Variants in POTEC observed in about 807,000 individuals in gnomAD.
POTEC encodes ANKRD26-like family B member 2.
A neutral mutation model predicts 62.0 loss-of-function variants in POTEC; 35 were observed. The ratio of observed to expected loss-of-function variants is 0.56; its 90% CI spans 0.43 to 0.75. The LOEUF is 0.75. Ranked by LOEUF, POTEC falls within the 30% of genes least tolerant of loss-of-function variation. The probability of loss-of-function intolerance (pLI) is 0.00; values close to 1 mark genes in which losing one functional copy is unlikely to be tolerated. For missense variants in POTEC, 472 were observed against 655.9 expected (o/e 0.72, Z 3.06); for synonymous variants, 156 against 221.5 (o/e 0.70, Z 2.62).
chr18:14,527,049 T>C (rs1299975705), intron 6 of POTEC, among the ~76,000 whole-genome samples: 1 of 152,134 alleles, frequency 6.6e-6, no homozygotes, highest in African/African-American at 2.4e-5. Flanking sequence ...CTTTATAAAG[T>C]TATAGTGTAT....
Position 14,511,889 on chromosome 18 carries a change from T to C in POTEC, c.*9A>G. 1 of 1,613,590 alleles carries C rather than the reference T, an allele frequency of 6.2e-7. No homozygotes were observed. Among genetic ancestry groups the C allele is most frequent in the Non-Finnish European group, 8.5e-7 (1 of 1,179,672 alleles). The stretch of plus-strand genomic sequence containing the variant: ...TTTTCCCTTAGCTGGTTCTGATGTT[T>C]TGTTTCATCTAGTTCCAGTCTCCAG... On this transcript the variant is annotated 3_prime_UTR_variant, in exon 11 of 11. Transcript: ENST00000358970.
chr18:14,533,838 G>C (rs1905611153), intron 4 of POTEC, among the ~76,000 whole-genome samples: 1 of 150,724 alleles, frequency 6.6e-6, no homozygotes, highest in African/African-American at 2.4e-5. Flanking sequence ...ATTAAATCCA[G>C]TCTTGTGTGA....
At chr18:14,515,787 T>C (rs1910133821) in intron 9 of POTEC, among the ~76,000 whole-genome samples, 1 of 151,426 alleles carries the variant, frequency 6.6e-6, no homozygotes, top group Non-Finnish European at 1.5e-5. Flanking sequence ...TAACAAAGGA[T>C]TAATGTCCAT....
At chr18:14,534,572 G>C (rs543611009) in intron 4 of POTEC, among the ~76,000 whole-genome samples, 1 of 151,866 alleles carries the variant, frequency 6.6e-6, no homozygotes, top group Admixed American at 6.6e-5. Context: ...GGGTTAAGAA[G>C]TTCAATACTG....
intron 6 of POTEC, chr18:14,528,743 T>C: frequency 3.1e-6 from 1 of 327,782 alleles, no homozygotes; most frequent in Non-Finnish European, 6.0e-6. Flanking sequence ...GTCCAAAGCA[T>C]TGTACCTGGT....
rs1038140540 is a variant in POTEC, at chr18:14,543,287, C to G, written c.-141G>C. Reference sequence around the variant, plus strand: ...CCCAGCCAAAACTTGCCAACCCCAGCAAGGGAGCCCAGTCCACCCCACCCA... The same window carrying G: ...CCCAGCCAAAACTTGCCAACCCCAGGAAGGGAGCCCAGTCCACCCCACCCA... On this transcript the variant is annotated 5_prime_UTR_variant, in exon 1 of 11. Transcript: ENST00000358970. The G allele has an allele frequency of 1.8e-5, 25 of 1,382,698 alleles. No individual in the cohort carries two copies. The Admixed American group carries it at 5.8e-4, about 32-fold the overall frequency. 85.7% of individuals were successfully genotyped at this position (1,382,698 alleles called of 1,614,324 possible). A position where few individuals can be genotyped will look rare whatever the true frequency, so the allele number is the denominator to read the frequency against.
Position 14,537,886 on chromosome 18 carries a change from G to C in POTEC, c.725C>G (p.Thr242Ser). 2 of 1,612,390 alleles carry C rather than the reference G, an allele frequency of 1.2e-6. No homozygotes were observed. Among genetic ancestry groups the C allele is most frequent in the Non-Finnish European group, 8.5e-7 (1 of 1,179,796 alleles). ...TTCATTGTGGACAGCATAGTGTAGAGTGGTATTTCCATACTCATCTGGAAT... is the reference window on the plus strand; with the variant it reads ...TTCATTGTGGACAGCATAGTGTAGACTGGTATTTCCATACTCATCTGGAAT... Reference protein sequence around the residue: ...QNIPDEYGNTTLHYAVHNEDK... With the variant: ...QNIPDEYGNTSLHYAVHNEDK... The change falls in exon 3 of 11, where the codon ACT becomes AGT. Residue 242 changes from threonine to serine, a missense_variant. Transcript: ENST00000358970.
intron 6 of POTEC, among the ~76,000 whole-genome samples, chr18:14,525,870 A>G (rs1055452802): frequency 1.3e-5 from 2 of 151,606 alleles, no homozygotes; most frequent in African/African-American, 4.8e-5. Context: ...GTTTCCATCC[A>G]CTATTATGAC....
intron 1 of POTEC, among the ~76,000 whole-genome samples, chr18:14,540,728 C>T (rs1303171568): frequency 6.6e-6 from 1 of 152,138 alleles, no homozygotes; most frequent in Non-Finnish European, 1.5e-5. Context: ...GGGTAAAAGG[C>T]ATACACATTT....
chr18:14,516,663 T>TGGC (rs1910169495), intron 9 of POTEC, among the ~76,000 whole-genome samples: 1 of 136,676 alleles, frequency 7.3e-6, no homozygotes, highest in African/African-American at 3.1e-5. Context: ...GCCAAACTAC[T>TGGC]GGGGGGGGGT....
At chr18:14,542,347 TA>T (rs1905964781) in intron 1 of POTEC, among the ~76,000 whole-genome samples, 1 of 152,214 alleles carries the variant, frequency 6.6e-6, no homozygotes, top group Non-Finnish European at 1.5e-5. Flanking sequence ...ACATTAAAAA[TA>T]ATCTGCTGCA....
rs779531776 is a variant in POTEC, at chr18:14,542,806, T to G, written c.341A>C (p.Lys114Thr). 33 of 1,613,262 alleles carry G rather than the reference T, an allele frequency of 2.0e-5. No homozygotes were observed. Among genetic ancestry groups the G allele is most frequent in the Non-Finnish European group, 2.8e-5 (33 of 1,179,690 alleles). The change falls in exon 1 of 11, where the codon AAG (lysine) becomes ACG (threonine). Residue 114 changes from lysine (K) to threonine (T), a missense_variant. By Grantham distance (78) the Lys-to-Thr change is moderately conservative. This residue lies in a region of POTEC where 257 missense variants were observed against 250.7 expected (regional missense o/e 1.03). Coordinates refer to ENST00000358970, the MANE Select transcript of POTEC (RefSeq NM_001137671.2). ...GTCTCCCCAAGCGCCCACGTTGCTC[T>G]TGCCGCTCCCCCTGCAGCAGGGGAA... Reference protein sequence around the residue: ...HCFPCCRGSGKSNVGAWGDYD... With the variant: ...HCFPCCRGSGTSNVGAWGDYD...
chr18:14,519,071 T>C (rs1252458666), intron 9 of POTEC, among the ~76,000 whole-genome samples: 1 of 152,162 alleles, frequency 6.6e-6, no homozygotes, highest in East Asian at 1.9e-4. Flanking sequence ...CTCAGATGTA[T>C]GAGATATGAC....
At chr18:14,528,954 C>A in intron 6 of POTEC, 1 of 454,404 alleles carries the variant, frequency 2.2e-6, no homozygotes. Flanking sequence ...GCTCTTCCTG[C>A]CAAACAGGCA....
intron 9 of POTEC, among the ~76,000 whole-genome samples, chr18:14,516,665 G>A (rs1485693720): frequency 4.4e-5 from 1 of 22,566 alleles, no homozygotes; most frequent in Non-Finnish European, 2.7e-4. Context: ...CAAACTACTG[G>A]GGGGGGGTGT....
At position 14,513,765 on chromosome 18, in the gene POTEC, C is replaced by G; in HGVS notation, c.1430G>C (p.Arg477Pro). The change falls in exon 10 of 11, where the codon CGG becomes CCG. Residue 477 changes from arginine (R) to proline (P), a missense_variant. Around this residue, in one of 5 missense-constraint regions of POTEC, gnomAD observed 83 missense variants for 254.3 expected, o/e 0.33. Coordinates refer to ENST00000358970, the MANE Select transcript of POTEC (RefSeq NM_001137671.2). ...GTTCTGTTCTTCAGAAAGTTGTTTC[C>G]GGGTATCATTTTGTTCGTCACTAGA... is the stretch of plus-strand genomic sequence containing the variant. ...EYHSDEQNDT[R>P]KQLSEEQNTG... 4 of 1,609,240 alleles carry G rather than the reference C, an allele frequency of 2.5e-6. No homozygotes were observed. The South Asian group carries it at 3.3e-5, about 13-fold the overall frequency.
intron 9 of POTEC, among the ~76,000 whole-genome samples, chr18:14,518,210 T>C (rs902047032): frequency 1.3e-5 from 2 of 152,148 alleles, no homozygotes; most frequent in Admixed American, 6.5e-5. Flanking sequence ...AGTGAGGATA[T>C]TGTAGTGAAA....
chr18:14,511,650 G>C lies in POTEC; in HGVS notation c.*248C>G, dbSNP rs1910010324. On this transcript the variant is annotated 3_prime_UTR_variant, in exon 11 of 11. Coordinates refer to ENST00000358970, the MANE Select transcript of POTEC (RefSeq NM_001137671.2). ...TCACAATCATGTAGAGCAGTAGTCAGTCTACAATGACATGATTGAATTTCC... is the reference window on the plus strand; with the variant it reads ...TCACAATCATGTAGAGCAGTAGTCACTCTACAATGACATGATTGAATTTCC... 4 of 575,404 alleles carry C rather than the reference G, an allele frequency of 7.0e-6. No individual in the cohort carries two copies. In the Admixed American group the frequency reaches 9.4e-5, roughly 14 times the overall value. The allele number at this position is 575,404 out of a possible 1,614,324, so 35.6% of individuals were successfully genotyped here.
intron 3 of POTEC, among the ~76,000 whole-genome samples, chr18:14,537,257 C>CGTA (rs905088871): frequency 2.0e-5 from 3 of 148,320 alleles, no homozygotes; most frequent in African/African-American, 7.5e-5. Flanking sequence ...TCTTTTCCCC[C>CGTA]ATTACCTAAT....
Sources: gnomAD v4.1 joint callset for allele counts (sites outside exome capture counted in the v4.1 genomes callset) on GRCh38, gnomAD v4.1.1 for gene constraint, gnomAD v4.1.1 regional missense constraint, MANE v1.5 for transcripts, NCBI Gene and HGNC (gene_info 2026-07-23, HGNC 2026-07-21) for gene names.